Variants in TSC22D2 observed in about 807,000 individuals in gnomAD.
The protein encoded by TSC22D2 is TSC22 domain family member 2.
A neutral mutation model predicts 50.1 loss-of-function variants in TSC22D2; 5 were observed. The observed-to-expected ratio is 0.10, with a 90% CI of 0.05 to 0.21. The LOEUF (loss-of-function observed/expected upper bound fraction) is 0.21, where lower values mean the gene tolerates loss of function less well. Ranked by LOEUF, TSC22D2 falls within the 10% of genes least tolerant of loss-of-function variation. The pLI, the probability that TSC22D2 is intolerant of heterozygous loss-of-function variation, is 1.00. For missense variants in TSC22D2, 1,003 were observed against 1,015.5 expected (o/e 0.99, Z 0.17); for synonymous variants, 501 against 450.1 (o/e 1.11, Z -1.43).
chr3:150,458,521 C>G lies in TSC22D2; in HGVS notation c.2156C>G (p.Ser719Cys). The change falls in exon 3 of 3, where the codon TCC becomes TGC. Residue 719 changes from serine to cysteine, a missense_variant. This residue lies in a region of TSC22D2 where 54 missense variants were observed against 51.4 expected (regional missense o/e 1.05). Coordinates refer to ENST00000688009, the MANE Select transcript of TSC22D2 (RefSeq NM_001303264.2). ...LKSLSSNDQL[S>C]QLPTQQANPG... is the part of the protein sequence containing the mutation. Reference sequence around the variant, plus strand: ...TCTCTTTCAAGCAATGATCAATTATCCCAACTCCCAACCCAACAGGCCAAT... The same window carrying G: ...TCTCTTTCAAGCAATGATCAATTATGCCAACTCCCAACCCAACAGGCCAAT... 1.2e-6 allele frequency: 2 copies of G among 1,614,198 alleles called. No homozygotes were observed. The highest frequency in any genetic ancestry group is 1.7e-6 in the Non-Finnish European group (2 of 1,180,026).
Position 150,410,178 on chromosome 3 carries a change from G to A in TSC22D2, c.828G>A (p.Pro276=), listed in dbSNP as rs1206191550. The part of the protein sequence containing the change: ...PQSFSVGQPQ[P]PPPPVGGAVA... ...GTTTTAGCGTTGGGCAGCCACAGCC[G>A]CCGCCGCCACCCGTAGGTGGGGCTG... Residue 276 remains proline (P), a synonymous_variant, in exon 1 of 3, where the codon CCG becomes CCA. Transcript: ENST00000688009. 2.4e-5 allele frequency: 39 copies of A among 1,608,300 alleles called. No homozygotes were observed. Among genetic ancestry groups the A allele is most frequent in the Non-Finnish European group, 3.2e-5 (38 of 1,178,056 alleles).
At chr3:150,438,177 TTTAC>T (rs1236667412) in intron 1 of TSC22D2, 7 of 387,664 alleles carry the variant, frequency 1.8e-5, no homozygotes, top group African/African-American at 2.0e-5. Context: ...AAAACATTTA[TTTAC>T]TTAAACTCTT....
chr3:150,463,084 GGGTTGGGGAATGGAACCTTT>G lies in TSC22D2; in HGVS notation c.*4450_*4469del, dbSNP rs1721463979. On this transcript the variant is annotated 3_prime_UTR_variant, in exon 3 of 3. Coordinates refer to ENST00000688009, the MANE Select transcript of TSC22D2 (RefSeq NM_001303264.2). ...AAGGGATTTCAAGAATTTAACAAAA[GGGTTGGGGAATGGAACCTTT>G]GCTGTCACTATGCCTGTCTCTCAAT... 2.0e-5 allele frequency: 3 copies of G among 152,216 alleles called. No individual in the cohort carries two copies. Among genetic ancestry groups the G allele is most frequent in the African/African-American group, 7.2e-5 (3 of 41,438 alleles). 9.4% of individuals were successfully genotyped at this position (152,216 alleles called of 1,614,324 possible). A position where few individuals can be genotyped will look rare whatever the true frequency, so the allele number is the denominator to read the frequency against.
At chr3:150,418,103 G>A (rs1359802558) in intron 1 of TSC22D2, among the ~76,000 whole-genome samples, 1 of 151,968 alleles carries the variant, frequency 6.6e-6, no homozygotes, top group Non-Finnish European at 1.5e-5. Flanking sequence ...CTATTGTGTG[G>A]CAATAAATGA....
rs138874622 is a variant in TSC22D2 at position 150,423,102 on chromosome 3, C to T, written c.1958+11794C>T. 7.4e-6 allele frequency: 12 copies of T among 1,612,450 alleles called. No individual in the cohort carries two copies. In the African/African-American group the frequency reaches 1.5e-4, roughly 20 times the overall value. ...TTCCATTTGAACACGTTAAAGGAAT[C>T]AAAGAGCCTCTGGGATAGGTATGAA... On this transcript the variant is annotated intron_variant, in intron 1 of 2. Transcript: ENST00000688009.
At chr3:150,419,433 C>T (rs1457248700) in intron 1 of TSC22D2, among the ~76,000 whole-genome samples, 3 of 151,948 alleles carry the variant, frequency 2.0e-5, no homozygotes, top group Non-Finnish European at 4.4e-5. Context: ...TTTAAATTCC[C>T]CAGATAATAA....
Position 150,460,697 on chromosome 3 carries a change from A to C in TSC22D2, c.*2061A>C, listed in dbSNP as rs1214040136. On this transcript the variant is annotated 3_prime_UTR_variant, in exon 3 of 3. Transcript: ENST00000688009. ...ATGGAATGTGAAACTTCACTGTTGGACTGTTAACCGAAAAGGTTTGCTGGC... is the reference window on the plus strand; with the variant it reads ...ATGGAATGTGAAACTTCACTGTTGGCCTGTTAACCGAAAAGGTTTGCTGGC... 7.1e-6 allele frequency: 1 copy of C among 140,922 alleles called. No homozygotes were observed. Among genetic ancestry groups the C allele is most frequent in the African/African-American group, 2.5e-5 (1 of 40,014 alleles). The allele number at this position is 140,922 out of a possible 1,614,324, so 8.7% of individuals were successfully genotyped here.
chr3:150,466,015 T>A lies in TSC22D2; in HGVS notation c.*7379T>A, dbSNP rs1055363901. On this transcript the variant is annotated 3_prime_UTR_variant, in exon 3 of 3. Transcript: ENST00000688009. ...TACTATGAAATTGGAAAAACCAAAA[T>A]ACTCATCAAGAGGATGGACTATGGT... The A allele has an allele frequency of 1.3e-5, 2 of 152,118 alleles. No homozygotes were observed. The highest frequency in any genetic ancestry group is 4.8e-5 in the African/African-American group (2 of 41,412). The allele number at this position is 152,118 out of a possible 1,614,324, so 9.4% of individuals were successfully genotyped here.
At position 150,464,324 on chromosome 3, in the gene TSC22D2, AAAT is replaced by A. The variant is rs1471373745; in HGVS notation, c.*5694_*5696del. On this transcript the variant is annotated 3_prime_UTR_variant, in exon 3 of 3. Coordinates refer to ENST00000688009, the MANE Select transcript of TSC22D2 (RefSeq NM_001303264.2). Reference sequence around the variant, plus strand: ...AACATTTTCCCCACACTTGAGATGGAAATAATAACAGGTCAGTGGCTAATAAAA... The same window carrying A: ...AACATTTTCCCCACACTTGAGATGGAAATAACAGGTCAGTGGCTAATAAAA... 6.6e-6 allele frequency: 1 copy of A among 152,186 alleles called. No individual in the cohort carries two copies. Among genetic ancestry groups the A allele is most frequent in the Non-Finnish European group, 1.5e-5 (1 of 68,034 alleles). 9.4% of individuals were successfully genotyped at this position (152,186 alleles called of 1,614,324 possible).
At chr3:150,456,384 C>T (rs1039875872) in intron 1 of TSC22D2, among the ~76,000 whole-genome samples, 7 of 151,826 alleles carry the variant, frequency 4.6e-5, no homozygotes, top group Non-Finnish European at 1.5e-5. Flanking sequence ...GATGGGTTTT[C>T]ACCACGTTGG....
chr3:150,421,690 T>C (rs1027312997), intron 1 of TSC22D2, among the ~76,000 whole-genome samples: 1 of 152,186 alleles, frequency 6.6e-6, no homozygotes, highest in Non-Finnish European at 1.5e-5. Flanking sequence ...GTCTTTTTTT[T>C]TTATTGTACT....
chr3:150,425,943 T>C (rs1467041482), intron 1 of TSC22D2, among the ~76,000 whole-genome samples: 2 of 152,242 alleles, frequency 1.3e-5, no homozygotes, highest in African/African-American at 4.8e-5. Context: ...CCTCTGCCTA[T>C]ATTTAGATAT....
intron 1 of TSC22D2, among the ~76,000 whole-genome samples, chr3:150,450,996 G>C (rs926771039): frequency 3.0e-4 from 45 of 152,220 alleles, no homozygotes; most frequent in African/African-American, 1.1e-3. Context: ...CCTTAGGACT[G>C]CCCCCAAAGA....
rs1040675462 is a variant in TSC22D2, at chr3:150,460,390, G to T, written c.*1754G>T. On this transcript the variant is annotated 3_prime_UTR_variant, in exon 3 of 3. Transcript: ENST00000688009. Reference sequence around the variant, plus strand: ...TTAACATGCACTGCATCTGTAGCCAGCTAGCTAATCAGAGTTAATGAGAAC... The same window carrying T: ...TTAACATGCACTGCATCTGTAGCCATCTAGCTAATCAGAGTTAATGAGAAC... 17 of 152,236 alleles carry T rather than the reference G, an allele frequency of 1.1e-4. No individual in the cohort carries two copies. The highest frequency in any genetic ancestry group is 3.4e-3 in the Middle Eastern group (1 of 292). The allele number at this position is 152,236 out of a possible 1,614,324, so 9.4% of individuals were successfully genotyped here.
intron 1 of TSC22D2, among the ~76,000 whole-genome samples, chr3:150,435,903 A>G (rs1720524144): frequency 7.8e-6 from 1 of 127,718 alleles, no homozygotes; most frequent in Admixed American, 7.8e-5. Context: ...CAAGATTATG[A>G]TTGATAATAT....
rs1433520992 is a variant in TSC22D2 at position 150,459,205 on chromosome 3, A to C, written c.*569A>C. ...ATTGCATTTAATAGATAAAACGTTT[A>C]GGCAATAATTGAACAAAAGAATCCT... is the stretch of plus-strand genomic sequence containing the variant. On this transcript the variant is annotated 3_prime_UTR_variant, in exon 3 of 3. Coordinates refer to ENST00000688009, the MANE Select transcript of TSC22D2 (RefSeq NM_001303264.2). 3 of 152,694 alleles carry C rather than the reference A, an allele frequency of 2.0e-5. No individual in the cohort carries two copies. The highest frequency in any genetic ancestry group is 7.2e-5 in the African/African-American group (3 of 41,466). The allele number at this position is 152,694 out of a possible 1,614,324, so 9.5% of individuals were successfully genotyped here.
intron 1 of TSC22D2, among the ~76,000 whole-genome samples, chr3:150,431,093 C>T (rs1354761033): frequency 6.6e-6 from 1 of 151,546 alleles, no homozygotes; most frequent in African/African-American, 2.4e-5. Context: ...GGCGTGGTGG[C>T]AGGCACCTAT....
intron 1 of TSC22D2, among the ~76,000 whole-genome samples, chr3:150,455,755 A>G (rs905901061): frequency 7.2e-5 from 11 of 152,230 alleles, no homozygotes; most frequent in African/African-American, 2.4e-4. Flanking sequence ...TTTTAGCACT[A>G]AAATCTTAGG....
chr3:150,447,770 A>G (rs1410270397), intron 1 of TSC22D2, among the ~76,000 whole-genome samples: 2 of 152,184 alleles, frequency 1.3e-5, no homozygotes, highest in African/African-American at 2.4e-5. Context: ...AACTTGAAAT[A>G]TGTTCTAATC....
Sources: gnomAD v4.1 joint callset for allele counts (sites outside exome capture counted in the v4.1 genomes callset) on GRCh38, gnomAD v4.1.1 for gene constraint, gnomAD v4.1.1 regional missense constraint, MANE v1.5 for transcripts, NCBI Gene and HGNC (gene_info 2026-07-23, HGNC 2026-07-21) for gene names.